The following DSCAM variants were observed in gnomAD, a reference collection of about 807,000 sequenced individuals.
The protein encoded by DSCAM is cell adhesion molecule DSCAM.
A neutral mutation model predicts 217.7 loss-of-function variants in DSCAM; 47 were observed. That is an observed-to-expected ratio of 0.22 (90% CI 0.17 to 0.28). The LOEUF (loss-of-function observed/expected upper bound fraction) is 0.28, where lower values mean the gene tolerates loss of function less well. DSCAM is among the 10% of genes least tolerant of loss of function. DSCAM has a pLI of 1.00. For synonymous variants in DSCAM, 1,056 were observed against 1,015.3 expected (o/e 1.04, Z -0.76); for missense variants, 2,080 against 2,618.3 (o/e 0.79, Z 4.49).
At position 40,013,255 on chromosome 21, in the gene DSCAM, G is replaced by A. The variant is rs2088095092; in HGVS notation, c.5818C>T (p.Pro1940Ser). 6.2e-7 allele frequency: 1 copy of A among 1,613,734 alleles called. No individual in the cohort carries two copies. Among genetic ancestry groups the A allele is most frequent in the Admixed American group, 1.7e-5 (1 of 59,952 alleles). The change falls in exon 33 of 33, where the codon CCC becomes TCC. Residue 1940 changes from proline (P) to serine (S), a missense_variant. By Grantham distance (74) the Pro-to-Ser change is moderately conservative. Coordinates refer to ENST00000400454, the MANE Select transcript of DSCAM (RefSeq NM_001389.5). ...EPQKSRTLKR[P>S]TVLEPIPMEA... is the part of the protein sequence containing the mutation. ...ATCGGGATGGGCTCCAGGACCGTGG[G>A]GCGCTTCAGGGTCCGGCTTTTCTGA...
chr21:40,599,689 G>A (rs1193447884), intron 3 of DSCAM, among the ~76,000 whole-genome samples: 1 of 152,020 alleles, frequency 6.6e-6, no homozygotes. Flanking sequence ...TTTTGAAAAT[G>A]TTAACAAAAT....
chr21:40,809,583 C>T (rs1396630219), intron 1 of DSCAM, among the ~76,000 whole-genome samples: 1 of 152,134 alleles, frequency 6.6e-6, no homozygotes, highest in Non-Finnish European at 1.5e-5. Context: ...GAAACTGAGC[C>T]TTGTAAACTG....
intron 3 of DSCAM, among the ~76,000 whole-genome samples, chr21:40,578,348 T>C (rs530557393): frequency 6.6e-6 from 1 of 152,252 alleles, no homozygotes; most frequent in African/African-American, 2.4e-5. Context: ...AGCTAAAGGA[T>C]TGTAAATGCA....
At chr21:40,320,910 A>C (rs1377208508) in intron 8 of DSCAM, among the ~76,000 whole-genome samples, 1 of 152,228 alleles carries the variant, frequency 6.6e-6, no homozygotes, top group Non-Finnish European at 1.5e-5. Context: ...ATCTCTGTTC[A>C]TTTATGTGTA....
chr21:40,414,011 A>G (rs1276421796), intron 3 of DSCAM, among the ~76,000 whole-genome samples: 1 of 152,222 alleles, frequency 6.6e-6, no homozygotes, highest in Non-Finnish European at 1.5e-5. Flanking sequence ...TAAGAGCTGA[A>G]ACTGTAATAT....
chr21:40,180,884 G>A (rs2090792077), intron 14 of DSCAM, among the ~76,000 whole-genome samples: 1 of 152,002 alleles, frequency 6.6e-6, no homozygotes, highest in Non-Finnish European at 1.5e-5. Context: ...TCCCCTCTTG[G>A]TGGTCACTGG....
chr21:40,097,531 TTAAACA>T (rs1476906126), intron 20 of DSCAM, among the ~76,000 whole-genome samples: 1 of 151,660 alleles, frequency 6.6e-6, no homozygotes, highest in Admixed American at 6.6e-5. Flanking sequence ...CTACACAGAG[TTAAACA>T]TAAACATAGT....
At chr21:40,211,581 CAT>C (rs2091184358) in intron 11 of DSCAM, among the ~76,000 whole-genome samples, 1 of 152,176 alleles carries the variant, frequency 6.6e-6, no homozygotes, top group Non-Finnish European at 1.5e-5. Context: ...TTGTTGTTCT[CAT>C]AAATGTGTAG....
intron 3 of DSCAM, among the ~76,000 whole-genome samples, chr21:40,633,431 A>G (rs1568951081): frequency 6.6e-6 from 1 of 152,226 alleles, no homozygotes; most frequent in Admixed American, 6.5e-5. Flanking sequence ...TTCGTTCCCA[A>G]TATGTCCTAG....
chr21:40,065,113 T>C (rs564357982), intron 27 of DSCAM, among the ~76,000 whole-genome samples: 20 of 152,102 alleles, frequency 1.3e-4, no homozygotes, highest in African/African-American at 4.8e-4. Flanking sequence ...AGGTGTACAG[T>C]GGGACAAGGA....
At chr21:40,491,302 C>A (rs911514390) in intron 3 of DSCAM, among the ~76,000 whole-genome samples, 2 of 152,074 alleles carry the variant, frequency 1.3e-5, no homozygotes, top group Non-Finnish European at 2.9e-5. Context: ...ACATTGTCAA[C>A]AAATCCTACT....
rs1298127954 is a variant in DSCAM at position 40,144,544 on chromosome 21, C to T, written c.3206G>A (p.Arg1069Gln). 3.7e-6 allele frequency: 6 copies of T among 1,614,076 alleles called. No homozygotes were observed. The African/African-American group carries it at 8.0e-5, about 22-fold the overall frequency. Residue 1069 changes from arginine to glutamine, a missense_variant, in exon 17 of 33, where the codon CGG becomes CAG. This residue lies in a region of DSCAM where 1,144 missense variants were observed against 1,421.1 expected (regional missense o/e 0.81). Transcript: ENST00000400454. This position sits in a 1 kb window ranked among gnomAD's most constrained non-coding sequence, Gnocchi z 4.8. ...CTGAGAAGAAGGCCCCGTGCCGGCC[C>T]GGTTACAGGCCTGCACCACCAGGCC... Reference protein sequence around the residue: ...QYGLVVQACNRAGTGPSSQEI... With the variant: ...QYGLVVQACNQAGTGPSSQEI...
chr21:40,493,755 C>T (rs1297911081), intron 3 of DSCAM, among the ~76,000 whole-genome samples: 2 of 151,022 alleles, frequency 1.3e-5, no homozygotes, highest in African/African-American at 2.4e-5. Flanking sequence ...CCCAGCTACT[C>T]GGGAAGCTGA....
At chr21:40,833,832 C>T (rs977303285) in intron 1 of DSCAM, among the ~76,000 whole-genome samples, 4 of 152,152 alleles carry the variant, frequency 2.6e-5, no homozygotes, top group African/African-American at 4.8e-5. Context: ...AGTCTGTGTT[C>T]TCAACCTTGG....
intron 1 of DSCAM, among the ~76,000 whole-genome samples, chr21:40,838,416 C>T (rs1035429085): frequency 6.6e-6 from 1 of 152,216 alleles, no homozygotes; most frequent in African/African-American, 2.4e-5. Context: ...CCAGCTTCTA[C>T]CTGATCATTG....
chr21:40,493,474 T>C (rs1347429162), intron 3 of DSCAM, among the ~76,000 whole-genome samples: 1 of 152,206 alleles, frequency 6.6e-6, no homozygotes, highest in Non-Finnish European at 1.5e-5. Context: ...ATCTTTAGTA[T>C]GAAGGTTCAA....
At chr21:40,485,383 C>T (rs1013739688) in intron 3 of DSCAM, among the ~76,000 whole-genome samples, 4 of 151,938 alleles carry the variant, frequency 2.6e-5, no homozygotes, top group Non-Finnish European at 5.9e-5. Flanking sequence ...GCTGGGACTA[C>T]AGGCGCCCGC....
At chr21:40,298,911 G>A (rs1463807171) in intron 9 of DSCAM, among the ~76,000 whole-genome samples, 1 of 152,106 alleles carries the variant, frequency 6.6e-6, no homozygotes, top group East Asian at 1.9e-4. Context: ...AAGTGTATAT[G>A]AGAAACAACC....
intron 20 of DSCAM, among the ~76,000 whole-genome samples, chr21:40,106,489 C>T (rs748213445): frequency 5.9e-5 from 9 of 151,984 alleles, no homozygotes; most frequent in African/African-American, 1.9e-4. Flanking sequence ...CCTCATAGAA[C>T]GAGTTAGGAA....
Sources: allele counts gnomAD v4.1 joint callset (sites outside exome capture counted in the v4.1 genomes callset), GRCh38; gene constraint gnomAD v4.1.1; regional missense constraint gnomAD v4.1.1; non-coding constraint Gnocchi (gnomAD v3.1); transcripts MANE v1.5; gene names NCBI Gene and HGNC (gene_info 2026-07-23, HGNC 2026-07-21).